CELF4: variants seen among roughly 807,000 people sequenced by gnomAD.
CELF4 encodes the protein CUG-BP- and ETR-3-like factor 4.
In CELF4, 18 loss-of-function variants were observed where a neutral mutation model predicts 59.9. That is an observed-to-expected ratio of 0.30 (90% CI 0.21 to 0.45). CELF4 has a LOEUF of 0.45. CELF4 is among the 20% of genes least tolerant of loss of function. The pLI, the probability that CELF4 is intolerant of heterozygous loss-of-function variation, is 1.00. For missense variants in CELF4, 456 were observed against 689.0 expected, an observed-to-expected ratio of 0.66 and a Z score of 3.79; for synonymous variants, 261 against 267.1, an observed-to-expected ratio of 0.98 and a Z score of 0.22.
chr18:37,440,157 A>G (rs545980809), intron 2 of CELF4, among the ~76,000 whole-genome samples: 1 of 152,268 alleles, frequency 6.6e-6, no homozygotes, highest in African/African-American at 2.4e-5. Context: ...TGGCCATTAA[A>G]TGTTACATTA....
At chr18:37,475,690 T>C (rs2099846911) in intron 2 of CELF4, among the ~76,000 whole-genome samples, 1 of 152,198 alleles carries the variant, frequency 6.6e-6, no homozygotes, top group Admixed American at 6.5e-5. Context: ...CTGATCTGCA[T>C]GGAGTTGATT....
intron 2 of CELF4, among the ~76,000 whole-genome samples, chr18:37,441,928 G>A (rs1791485): frequency 0.13 from 19,169 of 147,404 alleles, 1,241 homozygotes; most frequent in Middle Eastern, 0.16. Context: ...GTGCGTCACC[G>A]AAACCGCAAA....
intron 3 of CELF4, among the ~76,000 whole-genome samples, chr18:37,289,689 A>G (rs1177120184): frequency 6.6e-6 from 1 of 152,188 alleles, no homozygotes; most frequent in Non-Finnish European, 1.5e-5. Context: ...TTCCAGTAGA[A>G]TATGATGAGA....
intron 3 of CELF4, among the ~76,000 whole-genome samples, chr18:37,277,060 G>T (rs1237168154): frequency 6.6e-6 from 1 of 152,202 alleles, no homozygotes; most frequent in Non-Finnish European, 1.5e-5. Context: ...CCCAGGTTCT[G>T]AAGCAAAGCA....
At chr18:37,395,352 T>G (rs2099230295) in intron 2 of CELF4, among the ~76,000 whole-genome samples, 1 of 152,130 alleles carries the variant, frequency 6.6e-6, no homozygotes. Flanking sequence ...GGCTGTGTGT[T>G]AAAGGCCAGA....
At chr18:37,376,441 T>A (rs1034995703) in intron 2 of CELF4, among the ~76,000 whole-genome samples, 1 of 152,202 alleles carries the variant, frequency 6.6e-6, no homozygotes, top group Non-Finnish European at 1.5e-5. Context: ...AAACCCTGCA[T>A]CCATTCCCAC....
intron 2 of CELF4, among the ~76,000 whole-genome samples, chr18:37,423,242 G>A (rs2099591409): frequency 1.3e-5 from 2 of 152,218 alleles, no homozygotes; most frequent in African/African-American, 2.4e-5. Context: ...AGATGCAGGT[G>A]TGCCCTGTCC....
chr18:37,266,304 C>T, intron 9 of CELF4: 1 of 601,222 alleles, frequency 1.7e-6, no homozygotes, highest in Non-Finnish European at 3.0e-6. Context: ...TTCCACCTGG[C>T]CTGCCCACTT....
At chr18:37,445,616 T>C (rs1397843158) in intron 2 of CELF4, among the ~76,000 whole-genome samples, 1 of 151,576 alleles carries the variant, frequency 6.6e-6, no homozygotes, top group East Asian at 1.9e-4. Context: ...ATGAAGACAA[T>C]GCCCGCAAGG....
At chr18:37,277,211 C>G (rs373137880) in intron 3 of CELF4, among the ~76,000 whole-genome samples, 2 of 152,218 alleles carry the variant, frequency 1.3e-5, no homozygotes, top group African/African-American at 4.8e-5. Context: ...CCCAGCTCCT[C>G]GCATAACCTG....
At chr18:37,549,333 A>C (rs774510299) in intron 1 of CELF4, among the ~76,000 whole-genome samples, 1 of 152,144 alleles carries the variant, frequency 6.6e-6, no homozygotes, top group Non-Finnish European at 1.5e-5. Flanking sequence ...GAAGGGGTGC[A>C]CTCACTTGTA....
chr18:37,444,282 C>A (rs2099741569), intron 2 of CELF4, among the ~76,000 whole-genome samples: 2 of 151,984 alleles, frequency 1.3e-5, no homozygotes, highest in Admixed American at 1.3e-4. Flanking sequence ...TGGATCCCCC[C>A]TAGCATCCCC....
At chr18:37,528,294 C>T (rs956553122) in intron 1 of CELF4, among the ~76,000 whole-genome samples, 5 of 152,164 alleles carry the variant, frequency 3.3e-5, no homozygotes, top group African/African-American at 1.2e-4. Flanking sequence ...ATGCTTACAT[C>T]TGTTGAAGTA....
chr18:37,313,275 C>T (rs1381267685), intron 3 of CELF4, among the ~76,000 whole-genome samples: 1 of 152,180 alleles, frequency 6.6e-6, no homozygotes, highest in African/African-American at 2.4e-5. Context: ...TTTCAACGTG[C>T]TGTGGTCCCA....
chr18:37,512,493 CTCT>C, intron 1 of CELF4, among the ~76,000 whole-genome samples: 1 of 149,102 alleles, frequency 6.7e-6, no homozygotes, highest in East Asian at 2.0e-4. Context: ...CATTTTCCTC[CTCT>C]TCTTCCTCTT....
intron 12 of CELF4, among the ~76,000 whole-genome samples, chr18:37,248,981 T>G (rs1439486139): frequency 6.6e-6 from 1 of 151,962 alleles, no homozygotes; most frequent in Non-Finnish European, 1.5e-5. Flanking sequence ...AAGGGAGGCC[T>G]GGGATCTTAA....
intron 3 of CELF4, among the ~76,000 whole-genome samples, chr18:37,306,918 A>G (rs1282070268): frequency 1.3e-5 from 2 of 152,220 alleles, no homozygotes; most frequent in Non-Finnish European, 2.9e-5. Flanking sequence ...TGCACTTGAC[A>G]GGACAGCATC....
intron 2 of CELF4, among the ~76,000 whole-genome samples, chr18:37,444,444 G>A (rs2099742110): frequency 6.6e-6 from 1 of 152,062 alleles, no homozygotes; most frequent in Non-Finnish European, 1.5e-5. Context: ...GAGTCCTTCG[G>A]GGGTGCTGGA....
rs1050067501 is a variant in CELF4, at chr18:37,457,495, C to A, written c.369+28030G>T. On this transcript the variant is annotated intron_variant, in intron 2 of 12. Transcript: ENST00000420428. ...GTCTTCCACCAACCCACTTCCCAGG[C>A]AGCTGCTGAACAAATCCAGGGACTT... is the stretch of plus-strand genomic sequence containing the variant. Among the ~76,000 whole-genome samples, 100 of 152,284 alleles carry A rather than the reference C, an allele frequency of 6.6e-4. 1 individual carries two copies. The highest frequency in any genetic ancestry group is 2.0e-3 in the African/African-American group (82 of 41,554).
Sources: allele counts gnomAD v4.1 joint callset (sites outside exome capture counted in the v4.1 genomes callset), GRCh38; gene constraint gnomAD v4.1.1; transcripts MANE v1.5; gene names NCBI Gene and HGNC (gene_info 2026-07-23, HGNC 2026-07-21).